Variants in LGALS2 observed in about 807,000 individuals in gnomAD.
LGALS2 encodes the protein galectin-2.
Under a neutral mutation model 10.1 loss-of-function variants are expected in LGALS2, and 7 were observed. The ratio of observed to expected loss-of-function variants is 0.70; its 90% CI spans 0.40 to 1.31. The LOEUF is 1.31. LGALS2 is among the 50% of genes most tolerant of loss of function. The pLI is 0.01. For missense variants in LGALS2, 167 were observed against 163.6 expected (o/e 1.02, Z -0.11); for synonymous variants, 86 against 64.2 (o/e 1.34, Z -1.63).
intron 3 of LGALS2, 42 bp downstream of exon 3, chr22:37,570,534 C>T (rs768711957): frequency 1.1e-5 from 18 of 1,612,736 alleles, no homozygotes; most frequent in Admixed American, 3.3e-5. Context: ...CTGGGCCCTC[C>T]CCTTGACATC....
At chr22:37,574,780 C>T (rs181362081) in intron 1 of LGALS2, among the ~76,000 whole-genome samples, 170 of 152,160 alleles carry the variant, frequency 1.1e-3, no homozygotes, top group African/African-American at 3.4e-3. Context: ...CGCTGGCAGC[C>T]GCCTCCTCTC....
At chr22:37,575,181 C>A (rs1179532500) in intron 1 of LGALS2, among the ~76,000 whole-genome samples, 1 of 150,460 alleles carries the variant, frequency 6.6e-6, no homozygotes. Flanking sequence ...ATACCACACC[C>A]AGCATTTTTT....
rs1475090129 is a variant in LGALS2, at chr22:37,579,266, A to G, written c.6+634T>C. ...CCATCTCAAAAAAAAAAAAAAAAAG[A>G]GAAAGAAAAGAAACAAACAAAATTA... On this transcript the variant is annotated intron_variant, in intron 1 of 3. Coordinates refer to ENST00000215886, the MANE Select transcript of LGALS2 (RefSeq NM_006498.3). 1.4e-5 allele frequency among the ~76,000 whole-genome samples: 2 copies of G among 145,188 alleles called. 1 individual carries two copies. The highest frequency in any genetic ancestry group is 1.4e-4 in the Admixed American group (2 of 14,290).
At chr22:37,575,455 T>C (rs73420316) in intron 1 of LGALS2, among the ~76,000 whole-genome samples, 11,744 of 152,078 alleles carry the variant, frequency 0.077, 1,111 homozygotes, top group African/African-American at 0.23. Flanking sequence ...GTGGTCCTCC[T>C]GCCTCAGCCG....
chr22:37,575,753 C>T (rs977064948), intron 1 of LGALS2, among the ~76,000 whole-genome samples: 9 of 152,200 alleles, frequency 5.9e-5, no homozygotes, highest in Non-Finnish European at 1.3e-4. Context: ...CTGTGCCCGG[C>T]CTGGCAGTAC....
At chr22:37,572,543 G>A (rs190786773) in intron 1 of LGALS2, among the ~76,000 whole-genome samples, 2,003 of 151,828 alleles carry the variant, frequency 0.013, 37 homozygotes, top group African/African-American at 0.046. Flanking sequence ...CGAGGCGGGC[G>A]GATCACGAGG....
At chr22:37,579,486 G>A (rs1925785701) in intron 1 of LGALS2, among the ~76,000 whole-genome samples, 1 of 152,012 alleles carries the variant, frequency 6.6e-6, no homozygotes, top group Non-Finnish European at 1.5e-5. Context: ...AGGCTGGAGT[G>A]CAATGGCACA....
chr22:37,574,828 AG>A (rs1350364686), intron 1 of LGALS2, among the ~76,000 whole-genome samples: 1 of 150,620 alleles, frequency 6.6e-6, no homozygotes, highest in Non-Finnish European at 1.5e-5. Flanking sequence ...GGTCACATGT[AG>A]GGGTAGGTTG....
intron 1 of LGALS2, 104 bp from the exon 2 acceptor site, chr22:37,572,035 A>G (rs769455309): frequency 2.2e-6 from 2 of 922,842 alleles, no homozygotes; most frequent in East Asian, 2.5e-5. Flanking sequence ...GCAGGTCTCA[A>G]TCCCCCTGCC....
In LGALS2 at chr22:37,570,633, G is replaced by A. The variant is rs1421226912; in HGVS notation, c.192C>T (p.Asn64=). The part of the protein sequence containing the change: ...TIVCNSLDGS[N]WGQEQREDHL... Reference sequence around the variant, plus strand: ...GATCTTCCCGTTGTTCTTGCCCCCAGTTGCTGCCGTCCAATGAGTTGCAGA... The same window carrying A: ...GATCTTCCCGTTGTTCTTGCCCCCAATTGCTGCCGTCCAATGAGTTGCAGA... The change falls in exon 3 of 4, where the codon AAC becomes AAT. Residue 64 remains asparagine, a synonymous_variant. Transcript: ENST00000215886. 6 of 1,614,146 alleles carry A rather than the reference G, an allele frequency of 3.7e-6. No individual in the cohort carries two copies. The highest frequency in any genetic ancestry group is 1.3e-5 in the African/African-American group (1 of 74,942).
intron 1 of LGALS2, among the ~76,000 whole-genome samples, chr22:37,573,938 G>T (rs971322845): frequency 2.6e-5 from 4 of 152,024 alleles, no homozygotes; most frequent in Non-Finnish European, 5.9e-5. Flanking sequence ...TGTTGGTGTG[G>T]CTGGTCTCAA....
intron 3 of LGALS2, 72 bp downstream of exon 3, chr22:37,570,504 C>T (rs1203997403): frequency 8.1e-6 from 13 of 1,607,800 alleles, no homozygotes; most frequent in Non-Finnish European, 1.1e-5. Context: ...CACCTGTGTC[C>T]AGGCCAGGCT....
intron 1 of LGALS2, among the ~76,000 whole-genome samples, chr22:37,572,496 G>T (rs1371121409): frequency 6.6e-6 from 1 of 152,060 alleles, no homozygotes; most frequent in East Asian, 1.9e-4. Flanking sequence ...GCCGGACGCG[G>T]TGGCTCACAC....
At chr22:37,572,489 G>A (rs576274717) in intron 1 of LGALS2, among the ~76,000 whole-genome samples, 12 of 151,948 alleles carry the variant, frequency 7.9e-5, no homozygotes, top group South Asian at 2.1e-4. Context: ...AAAATTGGCC[G>A]GACGCGGTGG....
intron 1 of LGALS2, among the ~76,000 whole-genome samples, chr22:37,575,010 G>C (rs1268837815): frequency 1.3e-5 from 2 of 151,548 alleles, no homozygotes; most frequent in African/African-American, 4.9e-5. Context: ...AGCCTCCCGA[G>C]TCACTGAGAT....
Position 37,570,379 on chromosome 22 carries a change from C to G in LGALS2, c.283G>C (p.Val95Leu), listed in dbSNP as rs1382362302. ...AGCTCGTGCCCATCTGGCAGCTTCA[C>G]CTTGAATTTGTCACTCTCAAAGGTC... is the stretch of plus-strand genomic sequence containing the variant. ...TVTFESDKFK[V>L]KLPDGHELTF... Residue 95 changes from valine to leucine, a missense_variant, in exon 4 of 4, where the codon GTG becomes CTG. Physicochemically the swap from Val to Leu is conservative, Grantham distance 32. Coordinates refer to ENST00000215886, the MANE Select transcript of LGALS2 (RefSeq NM_006498.3). The G allele has an allele frequency of 1.2e-6, 2 of 1,613,802 alleles. No individual in the cohort carries two copies. Among genetic ancestry groups the G allele is most frequent in the Non-Finnish European group, 1.7e-6 (2 of 1,179,986 alleles).
Position 37,576,033 on chromosome 22 carries a change from TG to T in LGALS2, c.6+3866del, listed in dbSNP as rs1329800064. Among the ~76,000 whole-genome samples the T allele has an allele frequency of 4.6e-5, 7 of 152,324 alleles. No individual in the cohort carries two copies. The East Asian group carries it at 1.4e-3, about 29-fold the overall frequency. On this transcript the variant is annotated intron_variant, in intron 1 of 3. Transcript: ENST00000215886. ...TCTCCAGACAGGGTCCGTTGTCTCC[TG>T]GGAGCAAAACCTCCCTGCTTTAGAG...
At chr22:37,579,361 A>G (rs531436034) in intron 1 of LGALS2, among the ~76,000 whole-genome samples, 1 of 152,012 alleles carries the variant, frequency 6.6e-6, no homozygotes, top group African/African-American at 2.4e-5. Context: ...CATTTAAGCC[A>G]AGGAGGTCAA....
chr22:37,570,392 ACT>A lies in LGALS2; in HGVS notation c.268_269del (p.Ser90Ter), dbSNP rs1233914862. 6 of 1,613,520 alleles carry A rather than the reference ACT, an allele frequency of 3.7e-6. No individual in the cohort carries two copies. The highest frequency in any genetic ancestry group is 1.3e-5 in the African/African-American group (1 of 74,880). ...CTGGCAGCTTCACCTTGAATTTGTC[ACT>A]CTCAAAGGTCACTGTGAACTGTGGG... ...SEVKFTVTFESDKFKVKLPDG... is the reference protein window; with the variant it reads ...SEVKFTVTFEXDKFKVKLPDG... On this transcript the variant is annotated frameshift_variant, in exon 4 of 4. Coordinates refer to ENST00000215886, the MANE Select transcript of LGALS2 (RefSeq NM_006498.3). LOFTEE classifies it low-confidence loss of function (END_TRUNC).
Sources: gnomAD v4.1 joint callset for allele counts (sites outside exome capture counted in the v4.1 genomes callset) on GRCh38, gnomAD v4.1.1 for gene constraint, MANE v1.5 for transcripts, NCBI Gene and HGNC (gene_info 2026-07-23, HGNC 2026-07-21) for gene names.